Variants in KCNIP4 observed in about 807,000 individuals in gnomAD.
KCNIP4 encodes Kv channel-interacting protein 4.
In KCNIP4, 12 loss-of-function variants were observed where a neutral mutation model predicts 34.0. That is an observed-to-expected ratio of 0.35 (90% CI 0.23 to 0.57). The LOEUF is 0.57. Among genes scored for constraint, KCNIP4 ranks in the 20% least tolerant of loss-of-function variants. The pLI is 0.83. For synonymous variants in KCNIP4, 124 were observed against 102.2 expected (o/e 1.21, Z -1.29); for missense variants, 238 against 311.7 (o/e 0.76, Z 1.78).
chr4:20,750,316 T>G (rs1753375183), intron 4 of KCNIP4, among the ~76,000 whole-genome samples: 1 of 152,116 alleles, frequency 6.6e-6, no homozygotes, highest in Non-Finnish European at 1.5e-5. Flanking sequence ...AGTACCAGGC[T>G]AGCCCACAGG....
chr4:21,867,842 C>T (rs1725524373), intron 1 of KCNIP4, among the ~76,000 whole-genome samples: 1 of 152,090 alleles, frequency 6.6e-6, no homozygotes, highest in African/African-American at 2.4e-5. Flanking sequence ...CACAGTGAGC[C>T]AATAAAACAA....
At chr4:20,757,481 A>G (rs1754577984) in intron 4 of KCNIP4, among the ~76,000 whole-genome samples, 1 of 152,158 alleles carries the variant, frequency 6.6e-6, no homozygotes. Context: ...CCATTTCTTC[A>G]TATGGCATCC....
chr4:21,021,956 A>G (rs560818326), intron 1 of KCNIP4, among the ~76,000 whole-genome samples: 89 of 152,212 alleles, frequency 5.8e-4, no homozygotes, highest in African/African-American at 2.0e-3. Context: ...AGCAAATATT[A>G]TGTATTGTGC....
intron 1 of KCNIP4, among the ~76,000 whole-genome samples, chr4:21,082,484 C>G (rs749573715): frequency 6.6e-6 from 1 of 151,850 alleles, no homozygotes; most frequent in Non-Finnish European, 1.5e-5. Flanking sequence ...ATGATGAACT[C>G]AAGCCTCTGT....
At chr4:20,907,882 T>C (rs1239979286) in intron 1 of KCNIP4, among the ~76,000 whole-genome samples, 1 of 152,048 alleles carries the variant, frequency 6.6e-6, no homozygotes, top group Non-Finnish European at 1.5e-5. Context: ...ATATCAAATT[T>C]TCTTGAACAA....
intron 1 of KCNIP4, among the ~76,000 whole-genome samples, chr4:21,188,099 TTAAG>T (rs1480879436): frequency 6.6e-6 from 1 of 152,244 alleles, no homozygotes; most frequent in African/African-American, 2.4e-5. Context: ...CTAATACTAC[TTAAG>T]TATGTGGAGG....
At chr4:20,734,975 A>G (rs1749235488) in intron 5 of KCNIP4, among the ~76,000 whole-genome samples, 1 of 152,172 alleles carries the variant, frequency 6.6e-6, no homozygotes, top group African/African-American at 2.4e-5. Flanking sequence ...TGGAAATTGT[A>G]CCAGTGCGTA....
intron 1 of KCNIP4, among the ~76,000 whole-genome samples, chr4:21,903,692 C>T (rs114627903): frequency 0.012 from 1,851 of 152,064 alleles, 46 homozygotes; most frequent in African/African-American, 0.043. Flanking sequence ...AGATAATAGG[C>T]TATCATGAAA....
chr4:21,155,514 T>C (rs1753078095), intron 1 of KCNIP4, among the ~76,000 whole-genome samples: 1 of 152,182 alleles, frequency 6.6e-6, no homozygotes, highest in South Asian at 2.1e-4. Flanking sequence ...AGCTAGTTGA[T>C]TGCAGTCCTG....
chr4:21,696,327 C>T (rs2109054860), intron 1 of KCNIP4, among the ~76,000 whole-genome samples: 1 of 151,314 alleles, frequency 6.6e-6, no homozygotes, highest in East Asian at 2.0e-4. Flanking sequence ...TTTATATCAG[C>T]ACAAGATCAC....
At chr4:21,168,236 T>G (rs1346612437) in intron 1 of KCNIP4, among the ~76,000 whole-genome samples, 1 of 152,188 alleles carries the variant, frequency 6.6e-6, no homozygotes, top group African/African-American at 2.4e-5. Context: ...TTCTTGGTAA[T>G]GTGATGGTGT....
chr4:20,768,732 A>T (rs1755621740), intron 3 of KCNIP4, among the ~76,000 whole-genome samples: 1 of 152,174 alleles, frequency 6.6e-6, no homozygotes, highest in African/African-American at 2.4e-5. Context: ...TATACTCAAC[A>T]TGTTGGATAT....
intron 1 of KCNIP4, among the ~76,000 whole-genome samples, chr4:21,676,932 T>G (rs1374780480): frequency 1.3e-5 from 2 of 151,478 alleles, no homozygotes; most frequent in African/African-American, 4.9e-5. Context: ...TCTCTAAGAG[T>G]TATAACTGAG....
chr4:20,748,145 C>G (rs1355825833), intron 5 of KCNIP4, among the ~76,000 whole-genome samples: 1 of 152,146 alleles, frequency 6.6e-6, no homozygotes, highest in Non-Finnish European at 1.5e-5. Context: ...AAAGGCTCCT[C>G]ATCTCCTACA....
At chr4:20,793,497 G>T (rs1025796643) in intron 3 of KCNIP4, among the ~76,000 whole-genome samples, 3 of 152,056 alleles carry the variant, frequency 2.0e-5, no homozygotes, top group Non-Finnish European at 4.4e-5. Context: ...TCATGAATGG[G>T]TATATTCATA....
At position 21,356,038 on chromosome 4, in the gene KCNIP4, C is replaced by T. The variant is rs1718557006; in HGVS notation, c.62-473329G>A. On this transcript the variant is annotated intron_variant, in intron 1 of 8. Coordinates refer to ENST00000382152, the MANE Select transcript of KCNIP4 (RefSeq NM_025221.6). ...AACGTAATCCATCACATAAACAGAACCAACGACAAAAACCACGATTATTTC... is the reference window on the plus strand; with the variant it reads ...AACGTAATCCATCACATAAACAGAATCAACGACAAAAACCACGATTATTTC... Among the ~76,000 whole-genome samples the T allele has an allele frequency of 1.3e-5, 2 of 152,092 alleles. 1 individual carries two copies. Among genetic ancestry groups the T allele is most frequent in the South Asian group, 4.2e-4 (2 of 4,818 alleles).
intron 1 of KCNIP4, among the ~76,000 whole-genome samples, chr4:21,910,426 A>G (rs974359643): frequency 1.3e-5 from 2 of 152,164 alleles, no homozygotes; most frequent in Non-Finnish European, 2.9e-5. Context: ...TCATCAGAAA[A>G]CAAAACCAAG....
chr4:20,957,903 C>A (rs1162511446), intron 1 of KCNIP4, among the ~76,000 whole-genome samples: 1 of 152,120 alleles, frequency 6.6e-6, no homozygotes, highest in African/African-American at 2.4e-5. Flanking sequence ...GCTTTCTGGC[C>A]TCACATCCCT....
At chr4:20,777,078 G>A (rs1392458188) in intron 3 of KCNIP4, among the ~76,000 whole-genome samples, 1 of 152,136 alleles carries the variant, frequency 6.6e-6, no homozygotes, top group African/African-American at 2.4e-5. Context: ...TTCTCAGGCT[G>A]CTATAAAGAA....
Sources: gnomAD v4.1 joint callset for allele counts (sites outside exome capture counted in the v4.1 genomes callset) on GRCh38, gnomAD v4.1.1 for gene constraint, MANE v1.5 for transcripts, NCBI Gene and HGNC (gene_info 2026-07-23, HGNC 2026-07-21) for gene names.